Variants in RUNX3 observed in about 807,000 individuals in gnomAD.
RUNX3 encodes the protein RUNX family transcription factor 3.
A neutral mutation model predicts 27.7 loss-of-function variants in RUNX3; 10 were observed. The ratio of observed to expected loss-of-function variants is 0.36; its 90% CI spans 0.22 to 0.61. RUNX3 has a LOEUF of 0.61. Among genes scored for constraint, RUNX3 ranks in the 20% least tolerant of loss-of-function variants. The probability of loss-of-function intolerance (pLI) is 0.72; values close to 1 mark genes in which losing one functional copy is unlikely to be tolerated. For synonymous variants in RUNX3, 270 were observed against 269.2 expected (o/e 1.00, Z -0.03); for missense variants, 469 against 629.5 (o/e 0.75, Z 2.73).
At position 24,904,067 on chromosome 1, in the gene RUNX3, C is replaced by T. The variant is rs2124241930; in HGVS notation, c.704-1401G>A. On this transcript the variant is annotated intron_variant, in intron 4 of 4. Transcript: ENST00000308873. The surrounding 1 kb of genome is among the most constrained non-coding windows in gnomAD (Gnocchi z 5.7). Reference sequence around the variant, plus strand: ...GCCCTGCCAAGTTGAGGCCCTGGTGCAGGGCCTCCCTTCTACTCTGGCAGC... The same window carrying T: ...GCCCTGCCAAGTTGAGGCCCTGGTGTAGGGCCTCCCTTCTACTCTGGCAGC... Among the ~76,000 whole-genome samples, 1 of 152,250 alleles carries T rather than the reference C, an allele frequency of 6.6e-6. No homozygotes were observed. Among genetic ancestry groups the T allele is most frequent in the South Asian group, 2.1e-4 (1 of 4,816 alleles).
chr1:24,939,162 G>T (rs1201946084), intron 2 of RUNX3, among the ~76,000 whole-genome samples: 1 of 152,124 alleles, frequency 6.6e-6, no homozygotes, highest in East Asian at 1.9e-4. Context: ...GGCTAGGATG[G>T]GAAAAGTCTC....
chr1:24,914,939 C>T (rs1436042511), intron 3 of RUNX3, among the ~76,000 whole-genome samples: 4 of 152,202 alleles, frequency 2.6e-5, no homozygotes, highest in East Asian at 1.9e-4. Flanking sequence ...ATCCCTTGCA[C>T]GCTCCACTCC....
At chr1:24,929,556 G>A (rs1322215212) in intron 1 of RUNX3, 31 bp downstream of exon 1, 4 of 1,542,068 alleles carry the variant, frequency 2.6e-6, no homozygotes, top group Non-Finnish European at 8.6e-7. Flanking sequence ...CCCCAGGGCC[G>A]GCGCCCTCCC....
At chr1:24,958,131 G>T (rs528110258) in intron 2 of RUNX3, among the ~76,000 whole-genome samples, 2 of 152,234 alleles carry the variant, frequency 1.3e-5, no homozygotes, top group Non-Finnish European at 2.9e-5. Context: ...CCTGTGCCAG[G>T]CCAGTGCTCC....
chr1:24,927,663 T>C lies in RUNX3; in HGVS notation c.350A>G (p.Tyr117Cys). Residue 117 changes from tyrosine to cysteine, a missense_variant, in exon 2 of 5, where the codon TAC becomes TGC. By Grantham distance (194) the Tyr-to-Cys change is radical. Around this residue, in one of 3 missense-constraint regions of RUNX3, gnomAD observed 75 missense variants for 168.5 expected, o/e 0.45. Coordinates refer to ENST00000308873, the MANE Select transcript of RUNX3 (RefSeq NM_004350.3). This position sits in a 1 kb window ranked among gnomAD's most constrained non-coding sequence, Gnocchi z 5.0. ...CGAGGCATTGCGCAGCTCAGCGGAG[T>C]AGTTCTCGTCATTGCCTGCCATCAC... ...VTVMAGNDEN[Y>C]SAELRNASAV... The C allele has an allele frequency of 6.2e-7, 1 of 1,613,650 alleles. No individual in the cohort carries two copies. The highest frequency in any genetic ancestry group is 8.5e-7 in the Non-Finnish European group (1 of 1,179,944).
Position 24,927,845 on chromosome 1 carries a change from G to T in RUNX3, c.283-115C>A. 1 of 854,562 alleles carries T rather than the reference G, an allele frequency of 1.2e-6. No homozygotes were observed. Among genetic ancestry groups the T allele is most frequent in the South Asian group, 1.5e-5 (1 of 64,790 alleles). The allele number at this position is 854,562 out of a possible 1,614,324, so 52.9% of individuals were successfully genotyped here. A position where few individuals can be genotyped will look rare whatever the true frequency, so the allele number is the denominator to read the frequency against. On this transcript the variant is annotated intron_variant, in intron 1 of 4. Transcript: ENST00000308873. This position sits in a 1 kb window ranked among gnomAD's most constrained non-coding sequence, Gnocchi z 5.0. Reference sequence around the variant, plus strand: ...CTCCCCCAGGTCCCAGGCACACTGAGTATTTCTCCAATGCAGGGTGGAGAA... The same window carrying T: ...CTCCCCCAGGTCCCAGGCACACTGATTATTTCTCCAATGCAGGGTGGAGAA...
intron 3 of RUNX3, among the ~76,000 whole-genome samples, chr1:24,912,299 C>G: frequency 6.6e-6 from 1 of 152,196 alleles, no homozygotes; most frequent in Non-Finnish European, 1.5e-5. Flanking sequence ...GTCAGAGGGG[C>G]CCCAGAAAGA....
At chr1:24,939,655 C>T (rs894809799) in intron 2 of RUNX3, among the ~76,000 whole-genome samples, 1 of 152,236 alleles carries the variant, frequency 6.6e-6, no homozygotes, top group Non-Finnish European at 1.5e-5. Flanking sequence ...TTCTGCTTCT[C>T]CTCAATTCAG....
intron 2 of RUNX3, among the ~76,000 whole-genome samples, chr1:24,925,698 C>T (rs1641085800): frequency 2.6e-5 from 4 of 152,286 alleles, no homozygotes; most frequent in South Asian, 2.1e-4. Context: ...CCTCAGACAT[C>T]GGAACTCCTC....
intron 2 of RUNX3, among the ~76,000 whole-genome samples, chr1:24,949,418 A>T (rs1443251694): frequency 6.6e-6 from 1 of 151,990 alleles, no homozygotes; most frequent in Non-Finnish European, 1.5e-5. Context: ...AGGAGCATTT[A>T]CTGAGCACCT....
rs1295189675 is a variant in RUNX3, at chr1:24,959,810, T to C, written c.58+4704A>G. On this transcript the variant is annotated intron_variant, in intron 2 of 6. Transcript: ENST00000338888. ...TACCCAAGAGTCCACTTTCCATTTC[T>C]CCCAGGCATCTTCAGGGGAGGAGCT... is the stretch of plus-strand genomic sequence containing the variant. 3.9e-5 allele frequency among the ~76,000 whole-genome samples: 6 copies of C among 152,080 alleles called. No individual in the cohort carries two copies. The South Asian group carries it at 1.0e-3, about 26-fold the overall frequency.
chr1:24,960,636 C>A (rs1642085203), intron 2 of RUNX3, among the ~76,000 whole-genome samples: 1 of 152,020 alleles, frequency 6.6e-6, no homozygotes, highest in Non-Finnish European at 1.5e-5. Context: ...TGTGGGGGTA[C>A]AAGTGAGGGT....
At chr1:24,959,686 A>G (rs1642051245) in intron 2 of RUNX3, among the ~76,000 whole-genome samples, 1 of 152,134 alleles carries the variant, frequency 6.6e-6, no homozygotes, top group Admixed American at 6.5e-5. Flanking sequence ...TGGTCTGGGC[A>G]GCCTCCTCCC....
At chr1:24,953,114 C>T (rs1235807894) in intron 2 of RUNX3, among the ~76,000 whole-genome samples, 1 of 152,038 alleles carries the variant, frequency 6.6e-6, no homozygotes, top group Non-Finnish European at 1.5e-5. Flanking sequence ...AGCCTGCAAT[C>T]CCATCACTTT....
At chr1:24,926,770 A>G (rs1017591278) in intron 2 of RUNX3, among the ~76,000 whole-genome samples, 13 of 151,838 alleles carry the variant, frequency 8.6e-5, no homozygotes, top group Admixed American at 3.9e-4. Flanking sequence ...GGGAAGGGCG[A>G]CTCCCACTTC....
chr1:24,906,651 C>T, intron 4 of RUNX3, among the ~76,000 whole-genome samples: 1 of 152,192 alleles, frequency 6.6e-6, no homozygotes, highest in East Asian at 1.9e-4. Flanking sequence ...GATGGAGACC[C>T]CAGCTCGGTC....
At chr1:24,952,699 G>A (rs1369544994) in intron 2 of RUNX3, among the ~76,000 whole-genome samples, 3 of 152,140 alleles carry the variant, frequency 2.0e-5, no homozygotes, top group Non-Finnish European at 4.4e-5. Flanking sequence ...CACCTTCCTT[G>A]TCTGATTCAG....
chr1:24,901,890 C>A lies in RUNX3; in HGVS notation c.*232G>T. ...AAGTATGGGATGAGACGGCCAGGAT[C>A]TGGGCCGGGGGCAGTATCCCGGGCC... On this transcript the variant is annotated 3_prime_UTR_variant, in exon 5 of 5. Coordinates refer to ENST00000308873, the MANE Select transcript of RUNX3 (RefSeq NM_004350.3). 3.9e-6 allele frequency: 2 copies of A among 513,372 alleles called. 1 individual carries two copies. The highest frequency in any genetic ancestry group is 6.5e-5 in the South Asian group (2 of 30,710). The allele number at this position is 513,372 out of a possible 1,614,324, so 31.8% of individuals were successfully genotyped here. A position where few individuals can be genotyped will look rare whatever the true frequency, so the allele number is the denominator to read the frequency against.
intron 2 of RUNX3, among the ~76,000 whole-genome samples, chr1:24,948,904 C>G (rs1641684024): frequency 6.6e-6 from 1 of 152,068 alleles, no homozygotes; most frequent in Non-Finnish European, 1.5e-5. Context: ...TCTATTTAAA[C>G]AATACTGTAA....
Sources: allele counts gnomAD v4.1 joint callset (sites outside exome capture counted in the v4.1 genomes callset), GRCh38; gene constraint gnomAD v4.1.1; regional missense constraint gnomAD v4.1.1; non-coding constraint Gnocchi (gnomAD v3.1); transcripts MANE v1.5; gene names NCBI Gene and HGNC (gene_info 2026-07-23, HGNC 2026-07-21).